Variants in EHBP1 observed in about 807,000 individuals in gnomAD.
EHBP1 encodes the protein EH domain-binding protein 1.
In EHBP1, 55 loss-of-function variants were observed where a neutral mutation model predicts 144.0. The observed-to-expected ratio is 0.38, with a 90% CI of 0.31 to 0.48. EHBP1 has a LOEUF of 0.48. EHBP1 is among the 20% of genes least tolerant of loss of function. The pLI, the probability that EHBP1 is intolerant of heterozygous loss-of-function variation, is 0.98. For synonymous variants in EHBP1, 469 were observed against 472.7 expected, an observed-to-expected ratio of 0.99 and a Z score of 0.10; for missense variants, 1,200 against 1,364.2, an observed-to-expected ratio of 0.88 and a Z score of 1.90.
chr2:62,889,718 C>T (rs1450959990), intron 10 of EHBP1, among the ~76,000 whole-genome samples: 1 of 151,958 alleles, frequency 6.6e-6, no homozygotes, highest in Non-Finnish European at 1.5e-5. Flanking sequence ...AGGATGTGGC[C>T]TCATTTCTGG....
chr2:62,861,274 C>T lies in EHBP1; in HGVS notation c.757+1983C>T, dbSNP rs13400540. Among the ~76,000 whole-genome samples, 609 of 151,388 alleles carry T rather than the reference C, an allele frequency of 4.0e-3. 8 individuals carry two copies. Among genetic ancestry groups the T allele is most frequent in the African/African-American group, 0.014 (573 of 41,384 alleles). On this transcript the variant is annotated intron_variant, in intron 8 of 22. Transcript: ENST00000431489. Reference sequence around the variant, plus strand: ...CCTCCCGAGTAGCCTGGATTACAGGCGCGTGCCACCATGCCCAGTTAATTT... The same window carrying T: ...CCTCCCGAGTAGCCTGGATTACAGGTGCGTGCCACCATGCCCAGTTAATTT...
At chr2:62,705,293 A>G (rs1352342082), upstream of EHBP1, among the ~76,000 whole-genome samples, 2 of 152,092 alleles carry the variant, frequency 1.3e-5, no homozygotes, top group Non-Finnish European at 2.9e-5. Flanking sequence ...CCACAGCTGC[A>G]GCGAAGCCAA....
intron 9 of EHBP1, among the ~76,000 whole-genome samples, chr2:62,870,079 T>C (rs982212148): frequency 4.5e-4 from 69 of 152,218 alleles, no homozygotes; most frequent in African/African-American, 1.4e-3. Context: ...TCTTTAAAAA[T>C]GCAGGTTGAA....
chr2:62,773,597 C>T (rs2041829817), intron 5 of EHBP1, among the ~76,000 whole-genome samples: 3 of 151,654 alleles, frequency 2.0e-5, no homozygotes, highest in Admixed American at 2.0e-4. Flanking sequence ...ACCTGTAATC[C>T]CAGCACTTTG....
chr2:63,005,751 G>A (rs188912064), intron 19 of EHBP1, among the ~76,000 whole-genome samples: 2 of 151,798 alleles, frequency 1.3e-5, no homozygotes, highest in Admixed American at 6.6e-5. Flanking sequence ...TAATAATAAG[G>A]CTACTCACAA....
chr2:62,754,632 GGC>G (rs2040091461), intron 3 of EHBP1, among the ~76,000 whole-genome samples: 1 of 152,174 alleles, frequency 6.6e-6, no homozygotes, highest in Non-Finnish European at 1.5e-5. Context: ...AGCTGCGGTG[GGC>G]TCCACCCAGT....
At position 62,948,927 on chromosome 2, in the gene EHBP1, G is replaced by T. The variant is rs749834504; in HGVS notation, c.2081G>T (p.Gly694Val). 6.2e-7 allele frequency: 1 copy of T among 1,614,022 alleles called. No homozygotes were observed. Among genetic ancestry groups the T allele is most frequent in the Non-Finnish European group, 8.5e-7 (1 of 1,179,958 alleles). ...DEQKLQTLDIGSNLEKEKLEN... is the reference protein window; with the variant it reads ...DEQKLQTLDIVSNLEKEKLEN... ...CAAAAGCTTCAAACTCTAGACATCG[G>T]TAGTAACTTGGAGAAAGAAAAATTA... is the stretch of plus-strand genomic sequence containing the variant. The change falls in exon 13 of 23, where the codon GGT (glycine) becomes GTT (valine). Residue 694 changes from glycine to valine, a missense_variant. Around this residue, in one of 6 missense-constraint regions of EHBP1, gnomAD observed 543 missense variants for 513.1 expected, o/e 1.06. Coordinates refer to ENST00000431489, the MANE Select transcript of EHBP1 (RefSeq NM_001142616.3).
In EHBP1 at chr2:62,993,652, T is replaced by C; in HGVS notation, c.2856T>C (p.Tyr952=). The change falls in exon 17 of 23, where the codon TAT becomes TAC. Residue 952 remains tyrosine (Y), a synonymous_variant. Coordinates refer to ENST00000431489, the MANE Select transcript of EHBP1 (RefSeq NM_001142616.3). The part of the protein sequence containing the change: ...RKTQLQSFSQ[Y]IENRPEMKRQ... ...CTCAACTTCAGTCTTTCAGCCAATA[T>C]ATTGAGAATAGACCAGGTAGAACAC... 1 of 1,604,508 alleles carries C rather than the reference T, an allele frequency of 6.2e-7. No homozygotes were observed. The highest frequency in any genetic ancestry group is 8.5e-7 in the Non-Finnish European group (1 of 1,174,418).
chr2:62,893,476 C>G (rs987803603), intron 10 of EHBP1, among the ~76,000 whole-genome samples: 7 of 152,110 alleles, frequency 4.6e-5, no homozygotes, highest in African/African-American at 1.7e-4. Flanking sequence ...CATTACTACT[C>G]TTAACACTGC....
intron 5 of EHBP1, among the ~76,000 whole-genome samples, chr2:62,805,706 A>C (rs1255544929): frequency 1.3e-5 from 2 of 152,024 alleles, no homozygotes; most frequent in African/African-American, 4.8e-5. Context: ...TGTTGGAGAC[A>C]GGATTTCACC....
rs1006832146 is a variant in EHBP1, at chr2:62,809,684, G to A, written c.313-16403G>A. On this transcript the variant is annotated intron_variant, in intron 5 of 22. Transcript: ENST00000431489. ...CCCCAACTAGTAGTCTGCAGTGTCCGTTGTTCCCATCTTTATGTCCATGTG... is the reference window on the plus strand; with the variant it reads ...CCCCAACTAGTAGTCTGCAGTGTCCATTGTTCCCATCTTTATGTCCATGTG... Among the ~76,000 whole-genome samples, 6 of 152,044 alleles carry A rather than the reference G, an allele frequency of 3.9e-5. No homozygotes were observed. In the South Asian group the frequency reaches 6.2e-4, roughly 16 times the overall value.
intron 7 of EHBP1, among the ~76,000 whole-genome samples, chr2:62,854,249 A>G (rs2048873431): frequency 6.6e-6 from 1 of 152,252 alleles, no homozygotes; most frequent in Admixed American, 6.5e-5. Flanking sequence ...TATCCAGGCC[A>G]TTAAAGCTTT....
intron 3 of EHBP1, among the ~76,000 whole-genome samples, chr2:62,759,937 C>G (rs759136633): frequency 6.6e-6 from 1 of 151,868 alleles, no homozygotes; most frequent in Non-Finnish European, 1.5e-5. Context: ...TCCTTGGTTT[C>G]TTCTCTGGTG....
chr2:62,832,428 TTTC>T (rs2046882470), intron 7 of EHBP1, among the ~76,000 whole-genome samples: 2 of 147,568 alleles, frequency 1.4e-5, no homozygotes, highest in South Asian at 2.1e-4. Context: ...CAGATTTTTT[TTTC>T]TTTTTTCTTT....
chr2:62,863,876 T>C (rs1246853318), intron 8 of EHBP1, among the ~76,000 whole-genome samples: 5 of 131,420 alleles, frequency 3.8e-5, no homozygotes, highest in Non-Finnish European at 8.0e-5. Context: ...AAACAGAGTC[T>C]CGCTCTGTTG....
intron 19 of EHBP1, among the ~76,000 whole-genome samples, chr2:63,028,608 A>G (rs1213046177): frequency 6.6e-6 from 1 of 152,154 alleles, no homozygotes; most frequent in Non-Finnish European, 1.5e-5. Flanking sequence ...CAGGTTACCT[A>G]CAAGAGTAGT....
At chr2:62,758,162 GC>G (rs2040466516) in intron 3 of EHBP1, among the ~76,000 whole-genome samples, 1 of 152,212 alleles carries the variant, frequency 6.6e-6, no homozygotes, top group Non-Finnish European at 1.5e-5. Context: ...AGGCTGGAGT[GC>G]AGTGGTGTGA....
chr2:62,964,909 CACA>C (rs2058172145), intron 14 of EHBP1: 1 of 152,622 alleles, frequency 6.6e-6, no homozygotes, highest in Admixed American at 6.5e-5. Context: ...GGCATGAAAC[CACA>C]ACGACTTGAT....
chr2:62,698,366 A>G (rs1434118246), intron 1 of EHBP1, among the ~76,000 whole-genome samples: 2 of 152,240 alleles, frequency 1.3e-5, no homozygotes, highest in Non-Finnish European at 2.9e-5. Flanking sequence ...GAAATGGGAC[A>G]CTGATAATGC....
Sources: allele counts gnomAD v4.1 joint callset (sites outside exome capture counted in the v4.1 genomes callset), GRCh38; gene constraint gnomAD v4.1.1; regional missense constraint gnomAD v4.1.1; transcripts MANE v1.5; gene names NCBI Gene and HGNC (gene_info 2026-07-23, HGNC 2026-07-21).